NR6A1: variants seen among roughly 807,000 people sequenced by gnomAD.
NR6A1 encodes retinoic acid receptor-related testis-associated receptor.
A neutral mutation model predicts 59.1 loss-of-function variants in NR6A1; 7 were observed. That is an observed-to-expected ratio of 0.12 (90% CI 0.07 to 0.22). NR6A1 has a LOEUF of 0.22. Ranked by LOEUF, NR6A1 falls within the 10% of genes least tolerant of loss-of-function variation. The probability of loss-of-function intolerance (pLI) is 1.00; values close to 1 mark genes in which losing one functional copy is unlikely to be tolerated. For synonymous variants in NR6A1, 243 were observed against 236.1 expected, an observed-to-expected ratio of 1.03 and a Z score of -0.27; for missense variants, 468 against 611.6, an observed-to-expected ratio of 0.77 and a Z score of 2.48.
intron 2 of NR6A1, among the ~76,000 whole-genome samples, chr9:124,620,979 G>GA (rs1289285233): frequency 6.6e-6 from 1 of 152,074 alleles, no homozygotes; most frequent in Non-Finnish European, 1.5e-5. Context: ...GGAGAAAAAA[G>GA]AAAAATGATG....
At chr9:124,731,371 A>G (rs905010752) in intron 2 of NR6A1, among the ~76,000 whole-genome samples, 13 of 138,508 alleles carry the variant, frequency 9.4e-5, no homozygotes, top group East Asian at 8.1e-4. Flanking sequence ...CTCCATCTCG[A>G]AAAAAAAAAA....
chr9:124,767,461 C>T (rs963373584), intron 1 of NR6A1, among the ~76,000 whole-genome samples: 1 of 150,604 alleles, frequency 6.6e-6, no homozygotes, highest in Non-Finnish European at 1.5e-5. Flanking sequence ...TGCTCACTGT[C>T]GCCTTTCTTC....
chr9:124,531,022 T>C (rs1410668928), intron 7 of NR6A1, among the ~76,000 whole-genome samples: 1 of 152,230 alleles, frequency 6.6e-6, no homozygotes, highest in Admixed American at 6.5e-5. Flanking sequence ...AAATAATGTA[T>C]GTAAGGCACT....
chr9:124,703,871 G>C (rs1311203422), intron 2 of NR6A1, among the ~76,000 whole-genome samples: 1 of 151,710 alleles, frequency 6.6e-6, no homozygotes. Context: ...TGTTGCTCAG[G>C]CTAGCCTTCA....
At chr9:124,669,327 C>T (rs973110511) in intron 2 of NR6A1, among the ~76,000 whole-genome samples, 29 of 152,168 alleles carry the variant, frequency 1.9e-4, no homozygotes, top group Admixed American at 1.9e-3. Flanking sequence ...ACAGAAAATT[C>T]TATAAATTCT....
At chr9:124,693,831 C>T (rs964703086) in intron 2 of NR6A1, 2 of 527,192 alleles carry the variant, frequency 3.8e-6, no homozygotes, top group East Asian at 5.5e-5. Flanking sequence ...TGCAGAGAGT[C>T]GCCTGAGTGC....
intron 3 of NR6A1, among the ~76,000 whole-genome samples, chr9:124,548,558 A>C (rs887155489): frequency 4.6e-5 from 7 of 152,196 alleles, no homozygotes; most frequent in Admixed American, 6.5e-5. Flanking sequence ...GTTTGTAAGG[A>C]ACACGAACTT....
intron 1 of NR6A1, among the ~76,000 whole-genome samples, chr9:124,753,161 A>T (rs924092991): frequency 3.9e-5 from 6 of 152,172 alleles, no homozygotes; most frequent in Non-Finnish European, 7.3e-5. Flanking sequence ...AGCTGTTAGT[A>T]CCTTTTCCAC....
At chr9:124,696,804 G>A (rs1410926501) in intron 2 of NR6A1, among the ~76,000 whole-genome samples, 1 of 151,990 alleles carries the variant, frequency 6.6e-6, no homozygotes, top group African/African-American at 2.4e-5. Context: ...CCACAGGCAC[G>A]TACCACCATG....
intron 2 of NR6A1, among the ~76,000 whole-genome samples, chr9:124,724,418 G>GT (rs1839653342): frequency 6.7e-6 from 1 of 148,710 alleles, no homozygotes; most frequent in Non-Finnish European, 1.5e-5. Context: ...CAACCAGCTG[G>GT]TAAAAAAAGA....
intron 2 of NR6A1, among the ~76,000 whole-genome samples, chr9:124,577,900 G>A (rs1419825426): frequency 6.6e-6 from 1 of 152,234 alleles, no homozygotes; most frequent in Non-Finnish European, 1.5e-5. Flanking sequence ...AAACAGATAT[G>A]TAAATTCTAC....
intron 3 of NR6A1, among the ~76,000 whole-genome samples, chr9:124,545,577 T>C (rs1330969610): frequency 6.6e-6 from 1 of 152,232 alleles, no homozygotes; most frequent in Non-Finnish European, 1.5e-5. Flanking sequence ...TGCTGTTCCA[T>C]GGTCAATGAC....
At chr9:124,722,167 G>A (rs1312994769) in intron 2 of NR6A1, among the ~76,000 whole-genome samples, 2 of 152,124 alleles carry the variant, frequency 1.3e-5, no homozygotes, top group African/African-American at 4.8e-5. Flanking sequence ...AGGGAGAAAA[G>A]AACAATAAGT....
intron 2 of NR6A1, among the ~76,000 whole-genome samples, chr9:124,617,485 G>A (rs1484586796): frequency 6.6e-6 from 1 of 152,220 alleles, no homozygotes; most frequent in Non-Finnish European, 1.5e-5. Flanking sequence ...TAATGCTACA[G>A]GGAAAGTTTC....
At chr9:124,712,325 G>A (rs79359350) in intron 2 of NR6A1, among the ~76,000 whole-genome samples, 1,549 of 152,150 alleles carry the variant, frequency 0.01, 27 homozygotes, top group African/African-American at 0.035. Context: ...AAGTCTTCTG[G>A]AGGCTGGGTG....
chr9:124,719,781 G>A (rs1417148746), intron 2 of NR6A1, among the ~76,000 whole-genome samples: 4 of 151,938 alleles, frequency 2.6e-5, no homozygotes, highest in Non-Finnish European at 5.9e-5. Flanking sequence ...TTAGCCCACC[G>A]CGGTAATGCG....
intron 1 of NR6A1, among the ~76,000 whole-genome samples, chr9:124,753,211 G>C (rs1301677330): frequency 1.3e-5 from 2 of 152,146 alleles, no homozygotes; most frequent in Non-Finnish European, 1.5e-5. Flanking sequence ...AGAAAAATGT[G>C]GTGTTAGTTT....
At chr9:124,536,456 C>T (rs564244643) in intron 6 of NR6A1, among the ~76,000 whole-genome samples, 5 of 152,038 alleles carry the variant, frequency 3.3e-5, no homozygotes, top group African/African-American at 9.6e-5. Context: ...TTCAGGAGTT[C>T]GAGACCAGCC....
intron 2 of NR6A1, among the ~76,000 whole-genome samples, chr9:124,621,980 G>A (rs767992472): frequency 4.6e-5 from 7 of 152,172 alleles, no homozygotes; most frequent in Non-Finnish European, 7.3e-5. Flanking sequence ...TTGAGAGGCC[G>A]AGGCGGGCTG....
Sources: allele counts gnomAD v4.1 joint callset (sites outside exome capture counted in the v4.1 genomes callset), GRCh38; gene constraint gnomAD v4.1.1; transcripts MANE v1.5; gene names NCBI Gene and HGNC (gene_info 2026-07-23, HGNC 2026-07-21).